PARD3B: variants seen among roughly 807,000 people sequenced by gnomAD.
The protein encoded by PARD3B is par-3 family cell polarity regulator beta, also known as partitioning defective 3 homolog B.
PARD3B carries 103 observed loss-of-function variants against 130.2 expected under a neutral mutation model. The observed-to-expected ratio is 0.79, with a 90% CI of 0.67 to 0.93. PARD3B has a LOEUF of 0.93. Ranked by LOEUF, PARD3B falls within the 40% of genes least tolerant of loss-of-function variation. The probability of loss-of-function intolerance (pLI) is 0.00; values close to 1 mark genes in which losing one functional copy is unlikely to be tolerated. For synonymous variants in PARD3B, 583 were observed against 553.2 expected (o/e 1.05, Z -0.76); for missense variants, 1,609 against 1,499.2 (o/e 1.07, Z -1.21).
chr2:204,562,271 G>A (rs2031366580), intron 1 of PARD3B, among the ~76,000 whole-genome samples: 1 of 152,194 alleles, frequency 6.6e-6, no homozygotes, highest in Admixed American at 6.5e-5. Context: ...TATGGACACA[G>A]GATGGACCAT....
chr2:205,513,375 T>A (rs904669288), intron 21 of PARD3B, among the ~76,000 whole-genome samples: 1 of 152,030 alleles, frequency 6.6e-6, no homozygotes, highest in African/African-American at 2.4e-5. Flanking sequence ...ATCTAATCCC[T>A]AAATACATGA....
chr2:205,296,185 A>T (rs115896477), intron 16 of PARD3B, among the ~76,000 whole-genome samples: 1 of 152,220 alleles, frequency 6.6e-6, no homozygotes, highest in Non-Finnish European at 1.5e-5. Context: ...TATCCTCAAT[A>T]TGATAGCTGA....
At chr2:204,571,319 C>T (rs186224617) in intron 1 of PARD3B, among the ~76,000 whole-genome samples, 227 of 152,310 alleles carry the variant, frequency 1.5e-3, no homozygotes, top group Middle Eastern at 6.8e-3. Context: ...TAGCTTATCT[C>T]TAAAGCTCAT....
At chr2:205,259,294 A>G (rs1429332889) in intron 16 of PARD3B, among the ~76,000 whole-genome samples, 1 of 152,172 alleles carries the variant, frequency 6.6e-6, no homozygotes, top group African/African-American at 2.4e-5. Context: ...ATGCTAGTCT[A>G]ATGATGACAC....
intron 2 of PARD3B, among the ~76,000 whole-genome samples, chr2:204,760,526 G>A (rs1188813671): frequency 1.3e-5 from 2 of 151,984 alleles, no homozygotes; most frequent in South Asian, 4.1e-4. Context: ...TCTGGCTCCT[G>A]TAGTTTTTCT....
At chr2:205,143,705 C>T (rs1356674291) in intron 10 of PARD3B, among the ~76,000 whole-genome samples, 1 of 152,134 alleles carries the variant, frequency 6.6e-6, no homozygotes, top group African/African-American at 2.4e-5. Context: ...CTGGAGCCAC[C>T]TGAACAATCC....
intron 22 of PARD3B, among the ~76,000 whole-genome samples, chr2:205,559,596 CTTTTTTT>C (rs11319522): frequency 1.4e-5 from 1 of 72,852 alleles, no homozygotes; most frequent in South Asian, 5.1e-4. Context: ...GAAGTCCAGA[CTTTTTTT>C]TTTTTTTTTT....
chr2:204,545,997 A>G lies in PARD3B; in HGVS notation c.-3A>G. 2 of 1,560,138 alleles carry G rather than the reference A, an allele frequency of 1.3e-6. No homozygotes were observed. Among genetic ancestry groups the G allele is most frequent in the South Asian group, 1.2e-5 (1 of 85,370 alleles). On this transcript the variant is annotated 5_prime_UTR_variant, in exon 1 of 23. Coordinates refer to ENST00000406610, the MANE Select transcript of PARD3B (RefSeq NM_001302769.2). ...CGGCCCGGCGTGGTCGCCGGGGGCC[A>G]GGATGAAAGTGACCGTGTGCTTCGG...
chr2:205,520,257 G>A (rs920848174), intron 21 of PARD3B, among the ~76,000 whole-genome samples: 1 of 152,222 alleles, frequency 6.6e-6, no homozygotes, highest in Admixed American at 6.5e-5. Context: ...GCAAGCCCAA[G>A]CCAGGGATTC....
intron 11 of PARD3B, among the ~76,000 whole-genome samples, chr2:205,166,707 A>G (rs12620700): frequency 0.31 from 46,839 of 152,050 alleles, 8,090 homozygotes; most frequent in South Asian, 0.41. Context: ...ATGTTGTCAT[A>G]GAGTGATTGT....
chr2:204,940,592 T>C (rs1197382474), intron 2 of PARD3B, among the ~76,000 whole-genome samples: 2 of 152,032 alleles, frequency 1.3e-5, no homozygotes, highest in East Asian at 3.9e-4. Context: ...TTCTAAGATA[T>C]GCAGGGAAAT....
chr2:205,155,222 G>C (rs1363909058), intron 10 of PARD3B, among the ~76,000 whole-genome samples: 3 of 152,138 alleles, frequency 2.0e-5, no homozygotes. Flanking sequence ...CCTTTTAGGA[G>C]GGACAGTTTC....
intron 3 of PARD3B, among the ~76,000 whole-genome samples, chr2:204,979,325 C>T (rs369637718): frequency 1.1e-4 from 16 of 152,172 alleles, no homozygotes; most frequent in African/African-American, 3.6e-4. Context: ...GGCGGGCAAC[C>T]AGCCTGTCTG....
chr2:204,913,637 A>G lies in PARD3B; in HGVS notation c.223-51515A>G, dbSNP rs537182043. Among the ~76,000 whole-genome samples the G allele has an allele frequency of 5.9e-5, 9 of 152,324 alleles. No individual in the cohort carries two copies. The South Asian group carries it at 1.9e-3, about 32-fold the overall frequency. On this transcript the variant is annotated intron_variant, in intron 2 of 22. Coordinates refer to ENST00000406610, the MANE Select transcript of PARD3B (RefSeq NM_001302769.2). ...CAAAGCTGAGTTTTCATCAGTTGCTATGACAAAAAGCAATACCTTGTAAAA... is the reference window on the plus strand; with the variant it reads ...CAAAGCTGAGTTTTCATCAGTTGCTGTGACAAAAAGCAATACCTTGTAAAA...
chr2:205,290,971 G>A (rs1179781334), intron 16 of PARD3B, among the ~76,000 whole-genome samples: 4 of 152,148 alleles, frequency 2.6e-5, no homozygotes, highest in Non-Finnish European at 5.9e-5. Context: ...CCAGCCTCCA[G>A]AACAGTGGAG....
intron 20 of PARD3B, among the ~76,000 whole-genome samples, chr2:205,477,624 C>G (rs1044930771): frequency 6.6e-6 from 1 of 151,998 alleles, no homozygotes; most frequent in Non-Finnish European, 1.5e-5. Context: ...CATGATTTAG[C>G]CTCTCTTTGT....
At chr2:204,923,623 A>G (rs1451041772) in intron 2 of PARD3B, among the ~76,000 whole-genome samples, 1 of 152,018 alleles carries the variant, frequency 6.6e-6, no homozygotes, top group Non-Finnish European at 1.5e-5. Context: ...GGCTCTGGAG[A>G]TTGGGTGGAA....
chr2:205,189,440 G>A (rs138226709), intron 14 of PARD3B, among the ~76,000 whole-genome samples: 13 of 152,186 alleles, frequency 8.5e-5, no homozygotes, highest in Admixed American at 2.0e-4. Flanking sequence ...GTTGAGTATC[G>A]TTTCTATTTG....
chr2:204,966,071 A>G (rs1331286766), intron 3 of PARD3B, among the ~76,000 whole-genome samples: 1 of 152,208 alleles, frequency 6.6e-6, no homozygotes, highest in African/African-American at 2.4e-5. Flanking sequence ...TTATGAGGGA[A>G]TTCTCAAGCT....
Sources: gnomAD v4.1 joint callset for allele counts (sites outside exome capture counted in the v4.1 genomes callset) on GRCh38, gnomAD v4.1.1 for gene constraint, MANE v1.5 for transcripts, NCBI Gene and HGNC (gene_info 2026-07-23, HGNC 2026-07-21) for gene names.